The following CCDC13 variants were observed in gnomAD, a reference collection of about 807,000 sequenced individuals.
The protein encoded by CCDC13 is coiled-coil domain-containing protein 13.
CCDC13 carries 70 observed loss-of-function variants against 87.3 expected under a neutral mutation model. The ratio of observed to expected loss-of-function variants is 0.80; its 90% confidence interval spans 0.66 to 0.98. The LOEUF (loss-of-function observed/expected upper bound fraction) is 0.98. Ranked by LOEUF, CCDC13 falls within the 50% of genes least tolerant of loss-of-function variation. The pLI, the probability that CCDC13 is intolerant of heterozygous loss-of-function variation, is 0.00. For synonymous variants in CCDC13, 317 were observed against 360.3 expected (o/e 0.88, Z 1.36); for missense variants, 842 against 892.0 (o/e 0.94, Z 0.71).
At chr3:42,739,519 G>A in intron 9 of CCDC13, 115 bp downstream of exon 9, 1 of 1,177,660 alleles carries the variant, frequency 8.5e-7, no homozygotes, top group East Asian at 2.5e-5. Flanking sequence ...AACGGGCTTT[G>A]GGGTTACACA....
intron 6 of CCDC13, chr3:42,746,939 C>T: frequency 4.3e-6 from 2 of 466,228 alleles, no homozygotes; most frequent in Admixed American, 3.4e-5. Context: ...ACAAGTAGTG[C>T]AGGGAAGGCT....
intron 13 of CCDC13, among the ~76,000 whole-genome samples, chr3:42,722,741 A>T (rs1456815500): frequency 6.6e-6 from 1 of 151,486 alleles, no homozygotes; most frequent in Non-Finnish European, 1.5e-5. Flanking sequence ...GACAACCAGC[A>T]GCCCTGGGGA....
intron 8 of CCDC13, among the ~76,000 whole-genome samples, chr3:42,740,256 A>G (rs1041490190): frequency 2.0e-5 from 3 of 152,136 alleles, no homozygotes; most frequent in Non-Finnish European, 2.9e-5. Flanking sequence ...CTAGAATGAG[A>G]AAGGAGGGTC....
chr3:42,750,071 C>T (rs1427578137), intron 5 of CCDC13: 2 of 381,890 alleles, frequency 5.2e-6, no homozygotes, highest in African/African-American at 4.2e-5. Flanking sequence ...CTCTCAGAAC[C>T]TGGAACCTCC....
chr3:42,713,400 T>C, intron 13 of CCDC13, 84 bp from the exon 14 acceptor site: 3 of 1,375,570 alleles, frequency 2.2e-6, no homozygotes, highest in Non-Finnish European at 3.0e-6. Context: ...CTTAGAGAGA[T>C]GGGCACATCT....
At chr3:42,731,652 G>A (rs1698835049) in intron 12 of CCDC13, among the ~76,000 whole-genome samples, 1 of 152,142 alleles carries the variant, frequency 6.6e-6, no homozygotes, top group African/African-American at 2.4e-5. Flanking sequence ...TCTAGAATGT[G>A]GGAAGAGGAG....
chr3:42,704,186 G>A (rs918506238), downstream of CCDC13: 2 of 152,330 alleles, frequency 1.3e-5, no homozygotes, highest in African/African-American at 4.8e-5. Context: ...GCAGTTGGGA[G>A]AAGAAGGACC....
intron 1 of CCDC13, among the ~76,000 whole-genome samples, chr3:42,759,313 A>T (rs1699779893): frequency 6.6e-6 from 1 of 152,170 alleles, no homozygotes; most frequent in Admixed American, 6.5e-5. Flanking sequence ...TCTCCAAAAA[A>T]AAAAAAAACA....
chr3:42,749,961 A>T, intron 5 of CCDC13: 1 of 456,380 alleles, frequency 2.2e-6, no homozygotes, highest in Non-Finnish European at 4.4e-6. Flanking sequence ...TGAGCAGCCT[A>T]TGAGGGGAAA....
intron 13 of CCDC13, among the ~76,000 whole-genome samples, chr3:42,725,550 A>G (rs898829038): frequency 2.7e-5 from 4 of 149,710 alleles, no homozygotes; most frequent in Non-Finnish European, 5.9e-5. Flanking sequence ...AAAAAAAAAG[A>G]GGACTAAGAT....
chr3:42,769,621 G>T (rs1429282847), intron 1 of CCDC13, among the ~76,000 whole-genome samples: 2 of 152,272 alleles, frequency 1.3e-5, no homozygotes, highest in Non-Finnish European at 2.9e-5. Context: ...GGTGCTTGAG[G>T]AGCCCTTCAG....
intron 1 of CCDC13, among the ~76,000 whole-genome samples, chr3:42,766,864 A>G (rs1170128017): frequency 6.6e-6 from 1 of 152,220 alleles, no homozygotes; most frequent in Non-Finnish European, 1.5e-5. Flanking sequence ...ATGCTCATTC[A>G]TGATAAAAGC....
intron 1 of CCDC13, among the ~76,000 whole-genome samples, chr3:42,770,145 T>G (rs1700033854): frequency 6.6e-6 from 1 of 152,230 alleles, no homozygotes; most frequent in Non-Finnish European, 1.5e-5. Context: ...AGTGGGGACT[T>G]GGAGAACCTT....
At chr3:42,760,937 C>T (rs976200885) in intron 1 of CCDC13, among the ~76,000 whole-genome samples, 7 of 151,800 alleles carry the variant, frequency 4.6e-5, no homozygotes, top group African/African-American at 1.5e-4. Context: ...ACATTTTTTG[C>T]CCATTTTTAA....
chr3:42,751,639 C>T (rs1559656951), intron 5 of CCDC13, among the ~76,000 whole-genome samples: 1 of 152,244 alleles, frequency 6.6e-6, no homozygotes, highest in Non-Finnish European at 1.5e-5. Context: ...GATCCTCAGG[C>T]TCTAGTGTTC....
At position 42,757,165 on chromosome 3, in the gene CCDC13, C is replaced by T; in HGVS notation, c.271G>A (p.Val91Met). 2 of 1,614,230 alleles carry T rather than the reference C, an allele frequency of 1.2e-6. No homozygotes were observed. The highest frequency in any genetic ancestry group is 1.3e-5 in the African/African-American group (1 of 75,064). ...EHLRNELRETVDENGRLYKLL... is the reference protein window; with the variant it reads ...EHLRNELRETMDENGRLYKLL... ...TTATACAATCGCCCGTTCTCGTCCA[C>T]CGTTTCCCTGAGCTCATTTCGAAGG... is the stretch of plus-strand genomic sequence containing the variant. Residue 91 changes from valine to methionine, a missense_variant, in exon 3 of 16, where the codon GTG becomes ATG. Transcript: ENST00000310232.
rs1367632040 is a variant in CCDC13, at chr3:42,708,858, A to G, written c.*122T>C. 2.0e-6 allele frequency: 2 copies of G among 997,050 alleles called. No homozygotes were observed. The highest frequency in any genetic ancestry group is 2.9e-6 in the Non-Finnish European group (2 of 695,180). The allele number at this position is 997,050 out of a possible 1,614,324, so 61.8% of individuals were successfully genotyped here. On this transcript the variant is annotated 3_prime_UTR_variant, in exon 16 of 16. Transcript: ENST00000310232. ...TCATCCTTAAGGAGCCTCTTCTGGT[A>G]GAAGTGGTTGAGCTGGCTGCCCTGG...
At chr3:42,709,849 A>C (rs1369838135) in intron 14 of CCDC13, 51 bp from the exon 15 acceptor site, 15 of 1,384,218 alleles carry the variant, frequency 1.1e-5, no homozygotes, top group Non-Finnish European at 1.3e-5. Context: ...GCCCTGTGCT[A>C]GCACCCTGCT....
chr3:42,710,171 G>A (rs141630814), intron 14 of CCDC13, among the ~76,000 whole-genome samples: 5 of 149,206 alleles, frequency 3.4e-5, no homozygotes, highest in Admixed American at 6.7e-5. Context: ...GTGCAGTAGC[G>A]TGATCTCAGC....
Sources: allele counts gnomAD v4.1 joint callset (sites outside exome capture counted in the v4.1 genomes callset), GRCh38; gene constraint gnomAD v4.1.1; transcripts MANE v1.5; gene names NCBI Gene and HGNC (gene_info 2026-07-23, HGNC 2026-07-21).